Variants in EPB41L3 observed in about 807,000 individuals in gnomAD.
EPB41L3 encodes erythrocyte membrane protein band 4.1 like 3, also known as band 4.1-like protein 3.
A neutral mutation model predicts 127.1 loss-of-function variants in EPB41L3; 57 were observed. The ratio of observed to expected loss-of-function variants is 0.45; its 90% confidence interval spans 0.36 to 0.56. The LOEUF is 0.56. Ranked by LOEUF, EPB41L3 falls within the 20% of genes least tolerant of loss-of-function variation. The pLI is 0.00. For synonymous variants in EPB41L3, 572 were observed against 549.5 expected, an observed-to-expected ratio of 1.04 and a Z score of -0.57; for missense variants, 1,273 against 1,372.2, an observed-to-expected ratio of 0.93 and a Z score of 1.14.
chr18:5,499,827 GTGTATA>G (rs2091565393), intron 1 of EPB41L3, among the ~76,000 whole-genome samples: 2 of 113,012 alleles, frequency 1.8e-5, no homozygotes, highest in East Asian at 4.1e-4. Flanking sequence ...TACTATGTGT[GTGTATA>G]TATATATATA....
intron 3 of EPB41L3, among the ~76,000 whole-genome samples, chr18:5,601,131 G>T (rs1375651184): frequency 1.3e-5 from 2 of 152,100 alleles, no homozygotes; most frequent in Non-Finnish European, 2.9e-5. Context: ...GCAGGCATTT[G>T]AAGACGTTGG....
intron 1 of EPB41L3, among the ~76,000 whole-genome samples, chr18:5,627,118 T>C (rs2094930943): frequency 6.6e-6 from 1 of 152,142 alleles, no homozygotes; most frequent in African/African-American, 2.4e-5. Context: ...TTCTTCAAAT[T>C]CAGACCACAG....
At chr18:5,446,111 C>A (rs1273849374) in intron 3 of EPB41L3, among the ~76,000 whole-genome samples, 1 of 152,158 alleles carries the variant, frequency 6.6e-6, no homozygotes, top group Non-Finnish European at 1.5e-5. Context: ...ATTCTAAGGA[C>A]CACTTTCTAA....
intron 1 of EPB41L3, among the ~76,000 whole-genome samples, chr18:5,503,390 A>C (rs1337734314): frequency 6.6e-6 from 1 of 152,184 alleles, no homozygotes; most frequent in African/African-American, 2.4e-5. Context: ...CCCGAAAAAA[A>C]CATGTTAAGT....
upstream of EPB41L3, among the ~76,000 whole-genome samples, chr18:5,548,029 C>T (rs1459452695): frequency 2.0e-5 from 3 of 152,202 alleles, no homozygotes; most frequent in African/African-American, 7.2e-5. Flanking sequence ...CATTTGGCCT[C>T]ATTTATTCAA....
intron 6 of EPB41L3, among the ~76,000 whole-genome samples, chr18:5,435,896 A>G (rs1598901282): frequency 1.3e-5 from 2 of 152,206 alleles, no homozygotes; most frequent in Admixed American, 1.3e-4. Flanking sequence ...TCTCATTTTT[A>G]GAATTTAGAT....
At chr18:5,486,083 T>C (rs567093395) in intron 2 of EPB41L3, among the ~76,000 whole-genome samples, 1 of 152,218 alleles carries the variant, frequency 6.6e-6, no homozygotes, top group African/African-American at 2.4e-5. Context: ...CTACCTGACT[T>C]CAAAATTTAC....
chr18:5,474,940 A>C (rs750512873), intron 3 of EPB41L3, among the ~76,000 whole-genome samples: 2 of 152,224 alleles, frequency 1.3e-5, no homozygotes. Flanking sequence ...GCGATCATTA[A>C]AGACATTATT....
At chr18:5,506,731 G>C (rs2092232979) in intron 1 of EPB41L3, among the ~76,000 whole-genome samples, 1 of 152,166 alleles carries the variant, frequency 6.6e-6, no homozygotes, top group Admixed American at 6.5e-5. Flanking sequence ...TGCTCAAAGA[G>C]TATCTGCTGA....
In EPB41L3 at chr18:5,469,432, G is replaced by A. The variant is rs75155482; in HGVS notation, c.381+8809C>T. On this transcript the variant is annotated intron_variant, in intron 3 of 22. Transcript: ENST00000341928. ...GCCAGTGCCTGGAGCTGTCTGCCCC[G>A]CCATAGCAGCCAGCATGCCTGGCTG... 2.2e-3 allele frequency among the ~76,000 whole-genome samples: 331 copies of A among 152,152 alleles called. 4 individuals carry two copies. Among genetic ancestry groups the A allele is most frequent in the Admixed American group, 0.012 (191 of 15,292 alleles).
At chr18:5,408,358 C>G (rs1038243927) in intron 14 of EPB41L3, among the ~76,000 whole-genome samples, 8 of 150,360 alleles carry the variant, frequency 5.3e-5, no homozygotes, top group Admixed American at 3.3e-4. Context: ...ACTGCAACCT[C>G]CACCTCCTGG....
intron 3 of EPB41L3, among the ~76,000 whole-genome samples, chr18:5,566,788 T>TTCCATTCCATTCC (rs1555804088): frequency 2.6e-4 from 29 of 112,530 alleles, no homozygotes; most frequent in Non-Finnish European, 4.6e-4. Context: ...TATTCTATTC[T>TTCCATTCCATTCC]ATTCCATTCC....
intron 3 of EPB41L3, among the ~76,000 whole-genome samples, chr18:5,448,034 C>T (rs1031532428): frequency 1.3e-5 from 2 of 152,170 alleles, no homozygotes; most frequent in Admixed American, 6.5e-5. Flanking sequence ...TAAATATCAG[C>T]ATGGCCACCA....
chr18:5,559,461 C>T (rs951209865), intron 3 of EPB41L3, among the ~76,000 whole-genome samples: 13 of 152,050 alleles, frequency 8.5e-5, no homozygotes, highest in African/African-American at 2.7e-4. Flanking sequence ...AAAGGCAGAG[C>T]GTCATAGCAG....
At chr18:5,395,033 T>C (rs1201270851) in intron 21 of EPB41L3, 34 bp downstream of exon 21, 3 of 1,600,432 alleles carry the variant, frequency 1.9e-6, no homozygotes, top group Non-Finnish European at 2.6e-6. Context: ...TCTTTGTTTC[T>C]CTGCCAGGGT....
intron 7 of EPB41L3, 57 bp downstream of exon 7, chr18:5,433,846 G>A: frequency 6.4e-7 from 1 of 1,566,444 alleles, no homozygotes; most frequent in Non-Finnish European, 8.8e-7. Flanking sequence ...GGTGGGTTGT[G>A]TGCGGGACAC....
chr18:5,562,471 A>G (rs192756202), intron 3 of EPB41L3, among the ~76,000 whole-genome samples: 1 of 152,284 alleles, frequency 6.6e-6, no homozygotes, highest in Non-Finnish European at 1.5e-5. Flanking sequence ...TTCTCCCTCA[A>G]CCAATTATGA....
chr18:5,607,820 C>T (rs189527633), intron 3 of EPB41L3, among the ~76,000 whole-genome samples: 186 of 152,190 alleles, frequency 1.2e-3, no homozygotes, highest in African/African-American at 4.1e-3. Flanking sequence ...AAGAACTTTA[C>T]GTAACTGCCA....
chr18:5,586,980 T>C (rs572633270), intron 3 of EPB41L3, among the ~76,000 whole-genome samples: 1 of 152,252 alleles, frequency 6.6e-6, no homozygotes, highest in Non-Finnish European at 1.5e-5. Flanking sequence ...AGTAAGACCC[T>C]AACATATTAA....
Sources: gnomAD v4.1 joint callset for allele counts (sites outside exome capture counted in the v4.1 genomes callset) on GRCh38, gnomAD v4.1.1 for gene constraint, MANE v1.5 for transcripts, NCBI Gene and HGNC (gene_info 2026-07-23, HGNC 2026-07-21) for gene names.